NECAB1: variants seen among roughly 807,000 people sequenced by gnomAD.
NECAB1 encodes N-terminal EF-hand calcium-binding protein 1.
In NECAB1, 29 loss-of-function variants were observed where a neutral mutation model predicts 57.5. That is an observed-to-expected ratio of 0.50 (90% CI 0.38 to 0.69). The LOEUF is 0.69. Among genes scored for constraint, NECAB1 ranks in the 30% least tolerant of loss-of-function variants. The probability of loss-of-function intolerance (pLI) is 0.00; values close to 1 mark genes in which losing one functional copy is unlikely to be tolerated. For missense variants in NECAB1, 372 were observed against 413.8 expected (o/e 0.90, Z 0.88); for synonymous variants, 142 against 147.7 (o/e 0.96, Z 0.28).
At chr8:90,853,680 T>A (rs1219800007) in intron 3 of NECAB1, among the ~76,000 whole-genome samples, 1 of 152,220 alleles carries the variant, frequency 6.6e-6, no homozygotes, top group African/African-American at 2.4e-5. Context: ...TCTTTTCAAC[T>A]TCATCTTTAT....
At chr8:90,863,249 A>G (rs972969935) in intron 3 of NECAB1, among the ~76,000 whole-genome samples, 5 of 152,146 alleles carry the variant, frequency 3.3e-5, no homozygotes, top group African/African-American at 1.2e-4. Flanking sequence ...GCAAACCAAT[A>G]TTTGAAATAA....
chr8:90,833,847 G>A (rs1812328310), intron 3 of NECAB1, among the ~76,000 whole-genome samples: 1 of 152,064 alleles, frequency 6.6e-6, no homozygotes, highest in Non-Finnish European at 1.5e-5. Context: ...AGTTACAGTT[G>A]TTCTCCATGA....
At chr8:90,892,455 AATG>A (rs1323465404) in intron 5 of NECAB1, among the ~76,000 whole-genome samples, 3 of 152,210 alleles carry the variant, frequency 2.0e-5, no homozygotes, top group African/African-American at 2.4e-5. Flanking sequence ...CAATATTTAA[AATG>A]ATGTTTTAAC....
chr8:90,896,513 A>G (rs1330114838), intron 5 of NECAB1, among the ~76,000 whole-genome samples: 2 of 152,180 alleles, frequency 1.3e-5, no homozygotes, highest in South Asian at 2.1e-4. Context: ...GCTGAGGCAG[A>G]AGAATGGCGG....
intron 5 of NECAB1, chr8:90,903,758 C>T (rs533353985): frequency 2.6e-5 from 4 of 152,072 alleles, no homozygotes; most frequent in African/African-American, 9.6e-5. Flanking sequence ...GTATCCAAGC[C>T]CTGGCAAGAA....
chr8:90,907,756 A>G (rs1188665765), intron 5 of NECAB1, among the ~76,000 whole-genome samples: 1 of 152,004 alleles, frequency 6.6e-6, no homozygotes, highest in African/African-American at 2.4e-5. Flanking sequence ...ATCCCACTGG[A>G]AAAAAAAGTC....
At chr8:90,924,226 A>G (rs530972518) in intron 6 of NECAB1, among the ~76,000 whole-genome samples, 4 of 152,344 alleles carry the variant, frequency 2.6e-5, no homozygotes, top group African/African-American at 9.6e-5. Flanking sequence ...AGAAATCTGT[A>G]TGCCATAAAA....
At chr8:90,948,984 T>G (rs1332527936) in intron 10 of NECAB1, among the ~76,000 whole-genome samples, 1 of 152,150 alleles carries the variant, frequency 6.6e-6, no homozygotes, top group Admixed American at 6.5e-5. Flanking sequence ...TCAAAACATA[T>G]TATGTAGACT....
At chr8:90,868,298 G>A (rs1808557389) in intron 3 of NECAB1, among the ~76,000 whole-genome samples, 1 of 152,216 alleles carries the variant, frequency 6.6e-6, no homozygotes, top group African/African-American at 2.4e-5. Flanking sequence ...TAATAGAGAA[G>A]TGGGACATTG....
intron 3 of NECAB1, among the ~76,000 whole-genome samples, chr8:90,846,379 A>G (rs1197897405): frequency 6.6e-6 from 1 of 152,244 alleles, no homozygotes; most frequent in Non-Finnish European, 1.5e-5. Flanking sequence ...GTAGAAACAG[A>G]AAATAACATT....
intron 3 of NECAB1, among the ~76,000 whole-genome samples, chr8:90,868,034 A>G (rs1036015313): frequency 4.6e-5 from 7 of 152,130 alleles, no homozygotes; most frequent in African/African-American, 1.7e-4. Flanking sequence ...GTGAGTTTTC[A>G]TAAGATCTGG....
chr8:90,912,164 T>G (rs1451994213), intron 5 of NECAB1, among the ~76,000 whole-genome samples: 1 of 152,144 alleles, frequency 6.6e-6, no homozygotes, highest in African/African-American at 2.4e-5. Context: ...GTCCCCATCC[T>G]CATACCCATG....
intron 5 of NECAB1, among the ~76,000 whole-genome samples, chr8:90,888,653 T>A (rs1809072518): frequency 6.6e-6 from 1 of 152,084 alleles, no homozygotes; most frequent in Admixed American, 6.5e-5. Context: ...TATTTGAGAA[T>A]TAATTAGTTT....
At chr8:90,945,396 C>A (rs1414919189) in intron 10 of NECAB1, among the ~76,000 whole-genome samples, 1 of 152,010 alleles carries the variant, frequency 6.6e-6, no homozygotes, top group African/African-American at 2.4e-5. Context: ...GACAGGGTTT[C>A]ATCATGTTGC....
intron 3 of NECAB1, among the ~76,000 whole-genome samples, chr8:90,862,025 C>A (rs542300851): frequency 6.6e-6 from 1 of 152,260 alleles, no homozygotes; most frequent in East Asian, 1.9e-4. Flanking sequence ...TTTTCCGTAT[C>A]AGATACTTTT....
intron 5 of NECAB1, among the ~76,000 whole-genome samples, chr8:90,906,881 A>ATATATATGTATATATATATATATATATG (rs1418545586): frequency 8.9e-6 from 1 of 112,646 alleles, no homozygotes; most frequent in African/African-American, 4.1e-5. Context: ...ATACACATAT[A>ATATATATGTATATATATATATATATATG]TATATATATA....
At chr8:90,833,725 C>A (rs1389843997) in intron 3 of NECAB1, among the ~76,000 whole-genome samples, 1 of 152,098 alleles carries the variant, frequency 6.6e-6, no homozygotes, top group Non-Finnish European at 1.5e-5. Flanking sequence ...AATTGTAACC[C>A]CAATCTCTCT....
At chr8:90,928,394 TA>T in intron 8 of NECAB1, 95 bp downstream of exon 8, 2 of 854,200 alleles carry the variant, frequency 2.3e-6, no homozygotes, top group Non-Finnish European at 3.5e-6. Context: ...GCCCCATAGA[TA>T]GAATAACAGC....
chr8:90,879,527 T>C (rs1366025670), intron 4 of NECAB1, among the ~76,000 whole-genome samples: 2 of 152,170 alleles, frequency 1.3e-5, no homozygotes, highest in Non-Finnish European at 2.9e-5. Flanking sequence ...ATATACAAGT[T>C]TTAAAATAAA....
Sources: allele counts gnomAD v4.1 joint callset (sites outside exome capture counted in the v4.1 genomes callset), GRCh38; gene constraint gnomAD v4.1.1; transcripts MANE v1.5; gene names NCBI Gene and HGNC (gene_info 2026-07-23, HGNC 2026-07-21).